Variants in FAT3 observed in about 807,000 individuals in gnomAD.
FAT3 encodes protocadherin Fat 3.
In FAT3, 95 loss-of-function variants were observed where a neutral mutation model predicts 310.2. That is an observed-to-expected ratio of 0.31 (90% confidence interval 0.26 to 0.36). The LOEUF (loss-of-function observed/expected upper bound fraction) is 0.36, where lower values mean the gene tolerates loss of function less well. Ranked by LOEUF, FAT3 falls within the 10% of genes least tolerant of loss-of-function variation. The probability of loss-of-function intolerance (pLI) is 1.00; values close to 1 mark genes in which losing one functional copy is unlikely to be tolerated. For synonymous variants in FAT3, 2,314 were observed against 2,192.9 expected (o/e 1.06, Z -1.54); for missense variants, 5,408 against 5,715.6 (o/e 0.95, Z 1.74).
chr11:92,563,650 A>G (rs993428645), intron 3 of FAT3, among the ~76,000 whole-genome samples: 5 of 152,106 alleles, frequency 3.3e-5, no homozygotes, highest in African/African-American at 1.2e-4. Flanking sequence ...TAAAATTCAT[A>G]CCCTCAAAGG....
chr11:92,681,919 A>C (rs2135859650), intron 3 of FAT3, among the ~76,000 whole-genome samples: 1 of 152,360 alleles, frequency 6.6e-6, no homozygotes, highest in East Asian at 1.9e-4. Flanking sequence ...ATGCCTTTCC[A>C]GTGAATGAAA....
intron 2 of FAT3, among the ~76,000 whole-genome samples, chr11:92,495,346 G>A (rs184610684): frequency 9.2e-5 from 14 of 152,134 alleles, no homozygotes; most frequent in South Asian, 2.1e-4. Flanking sequence ...TCTGCCCAGC[G>A]CGCATCTCCC....
intron 3 of FAT3, among the ~76,000 whole-genome samples, chr11:92,659,265 T>A (rs1247133522): frequency 6.6e-6 from 1 of 152,170 alleles, no homozygotes; most frequent in African/African-American, 2.4e-5. Flanking sequence ...AAGTAGGGAT[T>A]GATTCCCAAG....
At chr11:92,646,292 C>G (rs1488791968) in intron 3 of FAT3, among the ~76,000 whole-genome samples, 1 of 152,180 alleles carries the variant, frequency 6.6e-6, no homozygotes, top group East Asian at 1.9e-4. Flanking sequence ...CTGCATGTGG[C>G]TTTTTCTCAT....
intron 2 of FAT3, among the ~76,000 whole-genome samples, chr11:92,378,901 G>C (rs1232030176): frequency 6.6e-6 from 1 of 152,100 alleles, no homozygotes; most frequent in Non-Finnish European, 1.5e-5. Context: ...GCTTTTATAA[G>C]GGCACTAATC....
chr11:92,404,324 G>A (rs542177658), intron 2 of FAT3, among the ~76,000 whole-genome samples: 2 of 152,240 alleles, frequency 1.3e-5, no homozygotes, highest in African/African-American at 2.4e-5. Flanking sequence ...CTAGTGGAAT[G>A]TATGCTGGGT....
chr11:92,706,131 A>C (rs1465052142), intron 4 of FAT3, among the ~76,000 whole-genome samples: 2 of 151,850 alleles, frequency 1.3e-5, no homozygotes, highest in Non-Finnish European at 2.9e-5. Flanking sequence ...CATGCTTATG[A>C]GATGGGAGTG....
At chr11:92,456,167 G>T (rs747588277) in intron 2 of FAT3, among the ~76,000 whole-genome samples, 4 of 152,166 alleles carry the variant, frequency 2.6e-5, no homozygotes, top group Non-Finnish European at 5.9e-5. Flanking sequence ...TCTTCCAAAA[G>T]TGCAGGTAAT....
intron 3 of FAT3, among the ~76,000 whole-genome samples, chr11:92,585,882 C>T (rs184375579): frequency 1.6e-4 from 24 of 151,842 alleles, no homozygotes; most frequent in African/African-American, 5.3e-4. Flanking sequence ...AAAAATCTAA[C>T]AATCTGTCCT....
At chr11:92,610,791 A>G (rs1395105082) in intron 3 of FAT3, among the ~76,000 whole-genome samples, 4 of 152,166 alleles carry the variant, frequency 2.6e-5, no homozygotes, top group Non-Finnish European at 5.9e-5. Flanking sequence ...GACCATGTTC[A>G]TCCTGCTCAC....
chr11:92,305,886 A>G (rs1289539887), intron 1 of FAT3, among the ~76,000 whole-genome samples: 2 of 152,190 alleles, frequency 1.3e-5, no homozygotes, highest in East Asian at 3.9e-4. Context: ...GCAGAAGGAC[A>G]TAAATGGAAC....
intron 22 of FAT3, among the ~76,000 whole-genome samples, chr11:92,878,729 G>A (rs1187313826): frequency 2.8e-5 from 4 of 141,764 alleles, no homozygotes; most frequent in South Asian, 2.3e-4. Flanking sequence ...AAAAGTGAAG[G>A]AGATAAGAAA....
At chr11:92,814,080 C>T (rs937419612) in intron 13 of FAT3, among the ~76,000 whole-genome samples, 1 of 152,160 alleles carries the variant, frequency 6.6e-6, no homozygotes, top group African/African-American at 2.4e-5. Flanking sequence ...GAACGTGCCC[C>T]CACCAACACC....
In FAT3 at chr11:92,840,663, T is replaced by C. The variant is rs1948515775; in HGVS notation, c.10470T>C (p.Asn3490=). ...TTTCATTCTCTATTTTGTCGGGAAATGAAGAGGAGGAGTTTGTGTTGGACC... is the reference window on the plus strand; with the variant it reads ...TTTCATTCTCTATTTTGTCGGGAAACGAAGAGGAGGAGTTTGTGTTGGACC... ...PPFSFSILSG[N]EEEEFVLDPH... The change falls in exon 18 of 28, where the codon AAT becomes AAC. Residue 3490 remains asparagine (N), a synonymous_variant. Coordinates refer to ENST00000525166, the MANE Select transcript of FAT3 (RefSeq NM_001367949.2). The C allele has an allele frequency of 6.2e-7, 1 of 1,612,998 alleles. No homozygotes were observed. The highest frequency in any genetic ancestry group is 8.5e-7 in the Non-Finnish European group (1 of 1,179,284).
intron 1 of FAT3, among the ~76,000 whole-genome samples, chr11:92,277,869 T>TA (rs1591043729): frequency 6.6e-6 from 1 of 151,212 alleles, no homozygotes; most frequent in East Asian, 1.9e-4. Flanking sequence ...CTTTTTTTTT[T>TA]TAAAAAAAAA....
Position 92,352,671 on chromosome 11 carries a change from A to G in FAT3, c.559A>G (p.Ile187Val), listed in dbSNP as rs1407043165. The stretch of plus-strand genomic sequence containing the variant: ...CCAGGTGACTGCAACAGACGCAGAT[A>G]TTGGTTCCAATGGAGAATTCTACTA... Reference protein sequence around the residue: ...VAQVTATDADIGSNGEFYYYF... With the variant: ...VAQVTATDADVGSNGEFYYYF... The change falls in exon 2 of 28, where the codon ATT (isoleucine) becomes GTT (valine). Residue 187 changes from isoleucine (I) to valine (V), a missense_variant. Ile to Val is a conservative substitution (Grantham distance 29). This residue lies in a region of FAT3 where 4,588 missense variants were observed against 4,809.8 expected (regional missense o/e 0.95). Transcript: ENST00000525166. 2 of 1,613,880 alleles carry G rather than the reference A, an allele frequency of 1.2e-6. No homozygotes were observed. The highest frequency in any genetic ancestry group is 1.1e-5 in the South Asian group (1 of 91,086).
intron 2 of FAT3, among the ~76,000 whole-genome samples, chr11:92,454,678 T>C (rs1209999328): frequency 6.6e-6 from 1 of 152,182 alleles, no homozygotes; most frequent in East Asian, 1.9e-4. Flanking sequence ...AGAACTCTGA[T>C]AGGCATTTGG....
intron 4 of FAT3, among the ~76,000 whole-genome samples, chr11:92,704,857 A>G (rs1944221265): frequency 6.6e-6 from 1 of 151,986 alleles, no homozygotes; most frequent in Non-Finnish European, 1.5e-5. Flanking sequence ...TCACACCACC[A>G]CCTCACAAGG....
intron 1 of FAT3, among the ~76,000 whole-genome samples, chr11:92,299,751 A>G (rs1352090083): frequency 1.3e-5 from 2 of 152,162 alleles, no homozygotes; most frequent in African/African-American, 4.8e-5. Context: ...AAAAAGCCAT[A>G]TCTTCATTTA....
Sources: allele counts gnomAD v4.1 joint callset (sites outside exome capture counted in the v4.1 genomes callset), GRCh38; gene constraint gnomAD v4.1.1; regional missense constraint gnomAD v4.1.1; transcripts MANE v1.5; gene names NCBI Gene and HGNC (gene_info 2026-07-23, HGNC 2026-07-21).